The following ERC1 variants were observed in gnomAD, a reference collection of about 807,000 sequenced individuals.
ERC1 encodes the protein ELKS/RAB6-interacting/CAST family member 1.
In ERC1, 56 loss-of-function variants were observed where a neutral mutation model predicts 132.0. The observed-to-expected ratio is 0.42, with a 90% CI of 0.34 to 0.53. The LOEUF (loss-of-function observed/expected upper bound fraction) is 0.53, where lower values mean the gene tolerates loss of function less well. ERC1 is among the 20% of genes least tolerant of loss of function. The pLI, the probability that ERC1 is intolerant of heterozygous loss-of-function variation, is 0.03. For synonymous variants in ERC1, 478 were observed against 476.1 expected, an observed-to-expected ratio of 1.00 and a Z score of -0.05; for missense variants, 1,202 against 1,349.9, an observed-to-expected ratio of 0.89 and a Z score of 1.72.
chr12:1,216,074 G>C (rs1958377775), intron 12 of ERC1, among the ~76,000 whole-genome samples: 1 of 152,104 alleles, frequency 6.6e-6, no homozygotes, highest in African/African-American at 2.4e-5. Context: ...CAAATTTTCA[G>C]ATTTACAAGT....
intron 8 of ERC1, among the ~76,000 whole-genome samples, chr12:1,173,633 G>T (rs2154266980): frequency 6.6e-6 from 1 of 152,182 alleles, no homozygotes; most frequent in African/African-American, 2.4e-5. Flanking sequence ...TAGACTCTCT[G>T]CTGAATATTT....
chr12:1,461,770 A>T (rs1185575773), intron 18 of ERC1, among the ~76,000 whole-genome samples: 1 of 152,212 alleles, frequency 6.6e-6, no homozygotes, highest in East Asian at 1.9e-4. Context: ...ATATTAACCA[A>T]AAGGCACCTA....
At chr12:1,334,108 G>GTT (rs992690198) in intron 15 of ERC1, among the ~76,000 whole-genome samples, 4 of 151,800 alleles carry the variant, frequency 2.6e-5, no homozygotes, top group African/African-American at 9.7e-5. Context: ...TTTTTTTCTT[G>GTT]TTTAAGCTCT....
chr12:1,054,349 C>A (rs1972552982), intron 2 of ERC1, among the ~76,000 whole-genome samples: 1 of 151,950 alleles, frequency 6.6e-6, no homozygotes, highest in Non-Finnish European at 1.5e-5. Context: ...GAGCAATTGC[C>A]CTTGTTTAGG....
rs2077243673 is a variant in ERC1 at position 1,263,069 on chromosome 12, G to A, written c.2523G>A (p.Glu841=). ...GTAAGAAGGATGACAGGATTGAAGA[G>A]CTGGAAGAAGCACTAAGAGAAAGTG... ...SLRKKDDRIE[E]LEEALRESVQ... is the part of the protein sequence containing the mutation. Residue 841 remains glutamate (E), a synonymous_variant, in exon 14 of 19, where the codon GAG becomes GAA. Coordinates refer to ENST00000360905, the MANE Select transcript of ERC1 (RefSeq NM_178040.4). The A allele has an allele frequency of 1.2e-6, 2 of 1,614,068 alleles. No individual in the cohort carries two copies. The highest frequency in any genetic ancestry group is 1.7e-6 in the Non-Finnish European group (2 of 1,179,948).
At position 1,057,883 on chromosome 12, in the gene ERC1, C is replaced by T. The variant is rs574315138; in HGVS notation, c.670-25281C>T. On this transcript the variant is annotated intron_variant, in intron 2 of 18. Transcript: ENST00000360905. ...TACTGGGATTACAAGCGTGAGCCAC[C>T]GCACCCGGCCTAAAATTTTTTTTTA... Among the ~76,000 whole-genome samples, 313 of 152,146 alleles carry T rather than the reference C, an allele frequency of 2.1e-3. 1 individual carries two copies. The highest frequency in any genetic ancestry group is 2.8e-3 in the Non-Finnish European group (187 of 67,984).
intron 1 of ERC1, among the ~76,000 whole-genome samples, chr12:1,021,517 G>C (rs956023823): frequency 4.0e-5 from 6 of 151,582 alleles, no homozygotes; most frequent in Non-Finnish European, 5.9e-5. Flanking sequence ...GGCTAACATG[G>C]TGAAACCCCG....
chr12:1,372,011 G>T, intron 16 of ERC1, 34 bp downstream of exon 16: 1 of 1,608,348 alleles, frequency 6.2e-7, no homozygotes, highest in African/African-American at 1.3e-5. Context: ...GGTCAGTGGG[G>T]CCAGCTTTCA....
chr12:1,459,595 G>A (rs961054091), intron 18 of ERC1, among the ~76,000 whole-genome samples: 8 of 152,204 alleles, frequency 5.3e-5, no homozygotes, highest in Non-Finnish European at 1.2e-4. Flanking sequence ...CACCATTATA[G>A]TAGTGACTGA....
intron 13 of ERC1, among the ~76,000 whole-genome samples, chr12:1,246,990 A>G (rs1286583804): frequency 6.6e-6 from 1 of 152,196 alleles, no homozygotes; most frequent in African/African-American, 2.4e-5. Context: ...TTAGCTGGGT[A>G]TAGTGGTGCA....
intron 7 of ERC1, among the ~76,000 whole-genome samples, chr12:1,124,900 C>A (rs1241659550): frequency 6.6e-6 from 1 of 151,928 alleles, no homozygotes; most frequent in East Asian, 1.9e-4. Context: ...GAACAACAGT[C>A]GTTATAGAAA....
intron 2 of ERC1, among the ~76,000 whole-genome samples, chr12:1,082,446 G>A (rs1487531247): frequency 2.1e-5 from 3 of 145,806 alleles, no homozygotes; most frequent in Admixed American, 6.9e-5. Flanking sequence ...GAGCCCCCGC[G>A]CCTGGCCATC....
At chr12:1,305,044 T>C (rs1260261669) in intron 15 of ERC1, among the ~76,000 whole-genome samples, 1 of 152,082 alleles carries the variant, frequency 6.6e-6, no homozygotes, top group East Asian at 1.9e-4. Context: ...CCTCCCAAAG[T>C]GCTGGGATTA....
chr12:1,062,081 C>A (rs952989202), intron 2 of ERC1, among the ~76,000 whole-genome samples: 1 of 148,522 alleles, frequency 6.7e-6, no homozygotes, highest in African/African-American at 2.5e-5. Flanking sequence ...AGCTCTGCCT[C>A]CCGGGTTCAC....
At chr12:1,344,209 CAA>C (rs1023079601) in intron 15 of ERC1, among the ~76,000 whole-genome samples, 3 of 152,142 alleles carry the variant, frequency 2.0e-5, no homozygotes, top group African/African-American at 7.2e-5. Context: ...TTATGGGACT[CAA>C]AGAGGGGAGT....
Position 1,119,544 on chromosome 12 carries a change from TGTGTGTGTGTGTGTGTGTGTGTGTGA to T in ERC1, c.1569+3513_1569+3538del, listed in dbSNP as rs1277115512. On this transcript the variant is annotated intron_variant, in intron 7 of 18. Coordinates refer to ENST00000360905, the MANE Select transcript of ERC1 (RefSeq NM_178040.4). ...GTGTGTGTGTGTGTGTGTGTGTGTG[TGTGTGTGTGTGTGTGTGTGTGTGTGA>T]GATGGAGTTTTGCTCTTGTTGCCCA... 7.2e-4 allele frequency among the ~76,000 whole-genome samples: 65 copies of T among 89,856 alleles called. 2 individuals are homozygous for T. The highest frequency in any genetic ancestry group is 5.0e-3 in the South Asian group (11 of 2,194). 58.9% of individuals were successfully genotyped at this position (89,856 alleles called of 152,430 possible). A position where few individuals can be genotyped will look rare whatever the true frequency, so the allele number is the denominator to read the frequency against.
At chr12:1,231,960 C>T (rs1053994045) in intron 12 of ERC1, among the ~76,000 whole-genome samples, 2 of 152,260 alleles carry the variant, frequency 1.3e-5, no homozygotes, top group East Asian at 1.9e-4. Flanking sequence ...GGATAGTCTT[C>T]GATCTCCTGA....
intron 7 of ERC1, among the ~76,000 whole-genome samples, chr12:1,120,998 C>G (rs1947023790): frequency 6.6e-6 from 1 of 152,138 alleles, no homozygotes; most frequent in Admixed American, 6.5e-5. Context: ...AACTAGAGGG[C>G]ATTTTTAGAG....
intron 8 of ERC1, among the ~76,000 whole-genome samples, chr12:1,153,670 A>T (rs774226321): frequency 4.7e-4 from 71 of 152,344 alleles, no homozygotes; most frequent in Non-Finnish European, 8.2e-4. Flanking sequence ...ATGAACTCGG[A>T]GAAGGGAAAA....
Sources: allele counts gnomAD v4.1 joint callset (sites outside exome capture counted in the v4.1 genomes callset), GRCh38; gene constraint gnomAD v4.1.1; transcripts MANE v1.5; gene names NCBI Gene and HGNC (gene_info 2026-07-23, HGNC 2026-07-21).